The following GNAQ variants were observed in gnomAD, a reference collection of about 807,000 sequenced individuals.
GNAQ encodes the protein guanine nucleotide-binding protein G(q) subunit alpha.
Under a neutral mutation model 43.9 loss-of-function variants are expected in GNAQ, and 8 were observed. That is an observed-to-expected ratio of 0.18 (90% CI 0.11 to 0.33). GNAQ has a LOEUF of 0.33. Among genes scored for constraint, GNAQ ranks in the 10% least tolerant of loss-of-function variants. The pLI is 1.00. For synonymous variants in GNAQ, 155 were observed against 170.7 expected, an observed-to-expected ratio of 0.91 and a Z score of 0.71; for missense variants, 158 against 450.8, an observed-to-expected ratio of 0.35 and a Z score of 5.88.
chr9:77,988,599 G>A (rs1037960385), intron 1 of GNAQ, among the ~76,000 whole-genome samples: 2 of 152,112 alleles, frequency 1.3e-5, no homozygotes, highest in African/African-American at 4.8e-5. Context: ...TACATATTAG[G>A]TTTTCCCCTT....
chr9:77,978,007 T>C (rs1423720100), intron 1 of GNAQ, among the ~76,000 whole-genome samples: 1 of 152,200 alleles, frequency 6.6e-6, no homozygotes, highest in Non-Finnish European at 1.5e-5. Context: ...ACACTGTACA[T>C]CTACAATTTG....
rs1825298750 is a variant in GNAQ at position 77,720,828 on chromosome 9, G to A, written c.*495C>T. The A allele has an allele frequency of 4.3e-6, 1 of 233,696 alleles. No individual in the cohort carries two copies. The highest frequency in any genetic ancestry group is 8.5e-6 in the Non-Finnish European group (1 of 118,260). 14.5% of individuals were successfully genotyped at this position (233,696 alleles called of 1,614,324 possible). ...TACAAACTTAAATTAAGCTGATGAT[G>A]GCTTAAATCGAACGATGTGTCCTGA... On this transcript the variant is annotated 3_prime_UTR_variant, in exon 7 of 7. Transcript: ENST00000286548.
At chr9:77,980,620 T>C (rs1026642295) in intron 1 of GNAQ, among the ~76,000 whole-genome samples, 1 of 151,866 alleles carries the variant, frequency 6.6e-6, no homozygotes, top group Non-Finnish European at 1.5e-5. Flanking sequence ...TGCCTTACCA[T>C]AGACAATTAA....
intron 2 of GNAQ, among the ~76,000 whole-genome samples, chr9:77,859,301 T>A (rs1365624470): frequency 6.6e-6 from 1 of 152,208 alleles, no homozygotes; most frequent in Admixed American, 6.5e-5. Context: ...ATTCTTACAG[T>A]ACATTTAGAA....
In GNAQ at chr9:77,992,572, C is replaced by A. The variant is rs181923741; in HGVS notation, c.136+38528G>T. Among the ~76,000 whole-genome samples the A allele has an allele frequency of 2.5e-3, 385 of 152,046 alleles. 3 individuals are homozygous for A. Among genetic ancestry groups the A allele is most frequent in the Admixed American group, 4.4e-3 (67 of 15,268 alleles). On this transcript the variant is annotated intron_variant, in intron 1 of 6. Transcript: ENST00000286548. ...AAAATAAAGACAGAAAATTCTTGATCCAAGTAACCTCTATAAAAGGTATGA... is the reference window on the plus strand; with the variant it reads ...AAAATAAAGACAGAAAATTCTTGATACAAGTAACCTCTATAAAAGGTATGA...
At chr9:77,957,985 A>T (rs1485307489) in intron 1 of GNAQ, among the ~76,000 whole-genome samples, 1 of 152,234 alleles carries the variant, frequency 6.6e-6, no homozygotes, top group African/African-American at 2.4e-5. Context: ...ATACTATATT[A>T]TTCATCTATG....
chr9:78,018,012 A>T (rs945374149), intron 1 of GNAQ, among the ~76,000 whole-genome samples: 1 of 152,162 alleles, frequency 6.6e-6, no homozygotes, highest in African/African-American at 2.4e-5. Flanking sequence ...GGGTGTGTAT[A>T]ACCAAGGTTG....
At chr9:77,980,310 AG>A (rs1445966751) in intron 1 of GNAQ, among the ~76,000 whole-genome samples, 2 of 152,206 alleles carry the variant, frequency 1.3e-5, no homozygotes, top group Admixed American at 1.3e-4. Flanking sequence ...TTCAGTATCA[AG>A]TGTCTCTCGA....
intron 1 of GNAQ, among the ~76,000 whole-genome samples, chr9:77,962,910 A>AC (rs1478292006): frequency 6.6e-6 from 1 of 151,796 alleles, no homozygotes; most frequent in Non-Finnish European, 1.5e-5. Context: ...AAAAAAAAAA[A>AC]AAAAACAGTG....
intron 5 of GNAQ, among the ~76,000 whole-genome samples, chr9:77,783,046 T>C (rs1826420245): frequency 6.6e-6 from 1 of 152,236 alleles, no homozygotes; most frequent in Non-Finnish European, 1.5e-5. Context: ...GAAACCATTT[T>C]GTACAACACT....
intron 2 of GNAQ, among the ~76,000 whole-genome samples, chr9:77,821,909 G>C (rs963625790): frequency 6.6e-6 from 1 of 152,110 alleles, no homozygotes; most frequent in Non-Finnish European, 1.5e-5. Flanking sequence ...TGGTCTGTAT[G>C]ACTACTTTCA....
chr9:78,031,252 C>A lies in GNAQ; in HGVS notation c.-17G>T. On this transcript the variant is annotated 5_prime_UTR_variant, in exon 1 of 7. Transcript: ENST00000286548. ...CAGAGTCATTCTTCCAAAGTGCCTC[C>A]GCTGCAGCCCCGCCGGCACCCCCTG... 6.8e-7 allele frequency: 1 copy of A among 1,478,624 alleles called. No homozygotes were observed. 91.6% of individuals were successfully genotyped at this position (1,478,624 alleles called of 1,614,324 possible).
In GNAQ at chr9:77,719,996, T is replaced by C. The variant is rs955481937; in HGVS notation, c.*1327A>G. The C allele has an allele frequency of 3.9e-5, 9 of 232,518 alleles. No homozygotes were observed. The highest frequency in any genetic ancestry group is 6.6e-5 in the African/African-American group (3 of 45,314). The allele number at this position is 232,518 out of a possible 1,614,324, so 14.4% of individuals were successfully genotyped here. A position where few individuals can be genotyped will look rare whatever the true frequency, so the allele number is the denominator to read the frequency against. ...CAACCAATGTTCCTGGCAGACTTCA[T>C]TGAACTTAAAGAACCACTGAGAGTA... On this transcript the variant is annotated 3_prime_UTR_variant, in exon 7 of 7. Coordinates refer to ENST00000286548, the MANE Select transcript of GNAQ (RefSeq NM_002072.5).
intron 5 of GNAQ, among the ~76,000 whole-genome samples, chr9:77,759,972 C>T (rs1354226866): frequency 6.8e-6 from 1 of 146,554 alleles, no homozygotes; most frequent in Non-Finnish European, 1.5e-5. Flanking sequence ...GTTGCCCAGG[C>T]TGGTCTCAAA....
chr9:77,805,667 G>C (rs1290846319), intron 3 of GNAQ, among the ~76,000 whole-genome samples: 5 of 152,114 alleles, frequency 3.3e-5, no homozygotes, highest in Non-Finnish European at 7.4e-5. Context: ...GCCTCCCAAA[G>C]TGCTGGGATT....
At chr9:77,749,720 G>A (rs1287899393) in intron 5 of GNAQ, among the ~76,000 whole-genome samples, 1 of 152,080 alleles carries the variant, frequency 6.6e-6, no homozygotes. Context: ...CAGCAATCCA[G>A]TATATTCACA....
intron 2 of GNAQ, among the ~76,000 whole-genome samples, chr9:77,826,196 A>T (rs976731174): frequency 2.6e-5 from 4 of 152,154 alleles, no homozygotes; most frequent in Non-Finnish European, 4.4e-5. Context: ...CTATAATGCA[A>T]AAACAAACAA....
intron 5 of GNAQ, among the ~76,000 whole-genome samples, chr9:77,770,454 A>C (rs1284573693): frequency 1.3e-5 from 2 of 152,192 alleles, no homozygotes; most frequent in Non-Finnish European, 2.9e-5. Context: ...CCAGAATAAA[A>C]AACAACAACA....
At chr9:77,944,804 G>C (rs1273731617) in intron 1 of GNAQ, among the ~76,000 whole-genome samples, 1 of 152,208 alleles carries the variant, frequency 6.6e-6, no homozygotes, top group Non-Finnish European at 1.5e-5. Context: ...ACCTGTTTGT[G>C]ATTGGAGTGA....
Sources: allele counts gnomAD v4.1 joint callset (sites outside exome capture counted in the v4.1 genomes callset), GRCh38; gene constraint gnomAD v4.1.1; transcripts MANE v1.5; gene names NCBI Gene and HGNC (gene_info 2026-07-23, HGNC 2026-07-21).